The following STRA6 variants were observed in gnomAD, a reference collection of about 807,000 sequenced individuals.
The protein encoded by STRA6 is signaling receptor and transporter of retinol STRA6, also known as receptor for retinol uptake STRA6.
In STRA6, 48 loss-of-function variants were observed where a neutral mutation model predicts 83.6. The ratio of observed to expected loss-of-function variants is 0.57; its 90% CI spans 0.46 to 0.73. The LOEUF is 0.73. Among genes scored for constraint, STRA6 ranks in the 30% least tolerant of loss-of-function variants. The probability of loss-of-function intolerance (pLI) is 0.00; values close to 1 mark genes in which losing one functional copy is unlikely to be tolerated. For synonymous variants in STRA6, 353 were observed against 362.3 expected, an observed-to-expected ratio of 0.97 and a Z score of 0.29; for missense variants, 760 against 838.8, an observed-to-expected ratio of 0.91 and a Z score of 1.16.
At chr15:74,193,012 G>A (rs952994646) in intron 8 of STRA6, among the ~76,000 whole-genome samples, 4 of 152,196 alleles carry the variant, frequency 2.6e-5, no homozygotes, top group Non-Finnish European at 5.9e-5. Flanking sequence ...CATATGGTAG[G>A]TGCTTAGAAG....
At position 74,188,474 on chromosome 15, in the gene STRA6, C is replaced by T. The variant is rs1344803357; in HGVS notation, c.1090+641G>A. ...CTGCGTTCTCTTGGCTGCACTCTGC[C>T]CTGCTGGATGGCCTCAGGCAAATCC... On this transcript the variant is annotated intron_variant, in intron 12 of 18. Coordinates refer to ENST00000395105, the MANE Select transcript of STRA6 (RefSeq NM_022369.4). The surrounding 1 kb of genome is among the most constrained non-coding windows in gnomAD (Gnocchi z 4.5). Among the ~76,000 whole-genome samples the T allele has an allele frequency of 2.0e-5, 3 of 152,348 alleles. No homozygotes were observed. Among genetic ancestry groups the T allele is most frequent in the Non-Finnish European group, 2.9e-5 (2 of 68,038 alleles).
chr15:74,201,208 G>A (rs2142078460), intron 2 of STRA6, among the ~76,000 whole-genome samples: 1 of 152,326 alleles, frequency 6.6e-6, no homozygotes, highest in South Asian at 2.1e-4. Flanking sequence ...GCCCAGCCAG[G>A]CCGCAGCCCC....
chr15:74,201,233 C>T (rs2074044125), intron 2 of STRA6, among the ~76,000 whole-genome samples: 1 of 152,200 alleles, frequency 6.6e-6, no homozygotes, highest in Non-Finnish European at 1.5e-5. Context: ...CCTGGGGAGG[C>T]ACGCAAGGAT....
chr15:74,211,551 C>T (rs552506808), upstream of STRA6, among the ~76,000 whole-genome samples: 72 of 152,228 alleles, frequency 4.7e-4, no homozygotes, highest in African/African-American at 1.3e-3. Context: ...CAGGCATGCA[C>T]CACCATGCCC....
chr15:74,193,794 C>G lies in STRA6; in HGVS notation c.720+6G>C. On this transcript the variant is annotated splice_donor_region_variant and intron_variant, in intron 8 of 18. Coordinates refer to ENST00000395105, the MANE Select transcript of STRA6 (RefSeq NM_022369.4). Reference sequence around the variant, plus strand: ...GGAAGAGCTCATCCCAGGCCTGCCCCTTTACCTTGGAGCCTGCTCCTGTCC... The same window carrying G: ...GGAAGAGCTCATCCCAGGCCTGCCCGTTTACCTTGGAGCCTGCTCCTGTCC... The G allele has an allele frequency of 6.2e-7, 1 of 1,613,516 alleles. No homozygotes were observed. Among genetic ancestry groups the G allele is most frequent in the South Asian group, 1.1e-5 (1 of 91,060 alleles).
intron 18 of STRA6, 146 bp from the exon 19 acceptor site, chr15:74,180,389 TG>T: frequency 4.8e-6 from 5 of 1,031,652 alleles, no homozygotes; most frequent in Admixed American, 2.0e-5. Flanking sequence ...CACATGGAAG[TG>T]GGGGGTGAGG....
At chr15:74,203,979 T>C (rs1204180162), upstream of STRA6, among the ~76,000 whole-genome samples, 1 of 152,170 alleles carries the variant, frequency 6.6e-6, no homozygotes, top group Non-Finnish European at 1.5e-5. Context: ...AGACAGGGCT[T>C]GAAATCCTGG....
chr15:74,208,643 C>T (rs1163103133), intron 1 of STRA6, among the ~76,000 whole-genome samples: 1 of 152,138 alleles, frequency 6.6e-6, no homozygotes, highest in Admixed American at 6.5e-5. Flanking sequence ...GGTCTCCAAA[C>T]TTACTCATCA....
At chr15:74,190,615 G>A (rs1398284197) in intron 11 of STRA6, among the ~76,000 whole-genome samples, 1 of 152,102 alleles carries the variant, frequency 6.6e-6, no homozygotes, top group African/African-American at 2.4e-5. Flanking sequence ...ATTTAAATTC[G>A]TGTTTATGTG....
At position 74,191,180 on chromosome 15, in the gene STRA6, G is replaced by A. The variant is rs201005664; in HGVS notation, c.852C>T (p.Tyr284=). ...WARVCLRHCI[Y]TPQPGFHLPL... Reference sequence around the variant, plus strand: ...CCAACCCCATACCTGGCTGTGGAGTGTAGATGCAGTGTCTCAAGCAGACGC... The same window carrying A: ...CCAACCCCATACCTGGCTGTGGAGTATAGATGCAGTGTCTCAAGCAGACGC... Residue 284 remains tyrosine, a synonymous_variant, in exon 10 of 19, where the codon TAC becomes TAT. Coordinates refer to ENST00000395105, the MANE Select transcript of STRA6 (RefSeq NM_022369.4). 42 of 1,614,074 alleles carry A rather than the reference G, an allele frequency of 2.6e-5. No individual in the cohort carries two copies. Among genetic ancestry groups the A allele is most frequent in the Non-Finnish European group, 3.3e-5 (39 of 1,180,004 alleles).
chr15:74,182,558 G>T (rs2073049946), intron 14 of STRA6, 98 bp from the exon 15 acceptor site: 1 of 1,019,378 alleles, frequency 9.8e-7, no homozygotes, highest in African/African-American at 1.6e-5. Context: ...GATTGGGCAG[G>T]CCTGGTTTTA....
intron 1 of STRA6, chr15:74,207,896 T>C (rs991573004): frequency 3.3e-6 from 5 of 1,494,054 alleles, no homozygotes; most frequent in Non-Finnish European, 4.5e-6. Flanking sequence ...GGCAGTGTCG[T>C]CGGCTGCCGT....
intron 11 of STRA6, among the ~76,000 whole-genome samples, chr15:74,190,056 A>G (rs914812445): frequency 2.0e-5 from 3 of 152,164 alleles, no homozygotes; most frequent in African/African-American, 7.2e-5. Flanking sequence ...CTATATGCAA[A>G]TACTACACCA....
chr15:74,190,891 G>T lies in STRA6; in HGVS notation c.876C>A (p.Leu292=). ...TAGCTGAAAGCACCAGCTTCAGCGG[G>T]AGATGGAATCCTGTAGTCCTCAAAG... ...CIYTPQPGFH[L]PLKLVLSATL... Residue 292 remains leucine, a synonymous_variant, in exon 11 of 19, where the codon CTC becomes CTA. Transcript: ENST00000395105. 2 of 1,614,116 alleles carry T rather than the reference G, an allele frequency of 1.2e-6. No individual in the cohort carries two copies. The highest frequency in any genetic ancestry group is 1.7e-6 in the Non-Finnish European group (2 of 1,180,016).
chr15:74,203,366 G>A (rs888296471), upstream of STRA6, among the ~76,000 whole-genome samples: 1 of 152,218 alleles, frequency 6.6e-6, no homozygotes, highest in Admixed American at 6.5e-5. Flanking sequence ...GCAAGGGAAG[G>A]TCTGGGCCAG....
chr15:74,186,963 C>T (rs1437100658), intron 12 of STRA6, among the ~76,000 whole-genome samples: 1 of 152,220 alleles, frequency 6.6e-6, no homozygotes, highest in Non-Finnish European at 1.5e-5. Context: ...GTCCCTAGCT[C>T]CCTCCTCCAG....
At position 74,185,142 on chromosome 15, in the gene STRA6, G is replaced by A. The variant is rs529033551; in HGVS notation, c.1091-87C>T. The A allele has an allele frequency of 5.5e-4, 742 of 1,345,834 alleles. 1 individual carries two copies. The highest frequency in any genetic ancestry group is 1.6e-3 in the Middle Eastern group (9 of 5,552). The allele number at this position is 1,345,834 out of a possible 1,614,324, so 83.4% of individuals were successfully genotyped here. Reference sequence around the variant, plus strand: ...AGAACCCCTGCCAGGGTGGTGCCTTGTGGGGAGTTCCCCCTGCCCCAAACT... The same window carrying A: ...AGAACCCCTGCCAGGGTGGTGCCTTATGGGGAGTTCCCCCTGCCCCAAACT... On this transcript the variant is annotated intron_variant, in intron 12 of 18. Transcript: ENST00000395105.
intron 7 of STRA6, chr15:74,194,372 A>G (rs772540709): frequency 9.4e-7 from 1 of 1,064,338 alleles, no homozygotes; most frequent in East Asian, 7.4e-5. Flanking sequence ...GGCTTTTTGT[A>G]TACTCATTCA....
intron 2 of STRA6, among the ~76,000 whole-genome samples, chr15:74,198,286 T>A (rs1317571608): frequency 6.6e-6 from 1 of 151,998 alleles, no homozygotes; most frequent in Non-Finnish European, 1.5e-5. Flanking sequence ...TTTTTCTGTA[T>A]TTTTAGTAGA....
Sources: gnomAD v4.1 joint callset for allele counts (sites outside exome capture counted in the v4.1 genomes callset) on GRCh38, gnomAD v4.1.1 for gene constraint, Gnocchi (gnomAD v3.1) non-coding constraint, MANE v1.5 for transcripts, NCBI Gene and HGNC (gene_info 2026-07-23, HGNC 2026-07-21) for gene names.